The following GNG2 variants were observed in gnomAD, a reference collection of about 807,000 sequenced individuals.
The protein encoded by GNG2 is guanine nucleotide-binding protein G(I)/G(S)/G(O) subunit gamma-2.
GNG2 carries 5 observed loss-of-function variants against 5.5 expected under a neutral mutation model. The ratio of observed to expected loss-of-function variants is 0.91; its 90% CI spans 0.48 to 1.92. The LOEUF is 1.92. Ranked by LOEUF, GNG2 falls within the 30% of genes most tolerant of loss-of-function variation. GNG2 has a pLI of 0.01. For missense variants in GNG2, 55 were observed against 88.4 expected, an observed-to-expected ratio of 0.62 and a Z score of 1.52; for synonymous variants, 28 against 32.0, an observed-to-expected ratio of 0.88 and a Z score of 0.42.
intron 2 of GNG2, chr14:51,916,315 A>G: frequency 2.9e-6 from 1 of 339,294 alleles, no homozygotes; most frequent in Non-Finnish European, 5.7e-6. Context: ...GTGCTGGAAC[A>G]CATCCATTAT....
intron 3 of GNG2, among the ~76,000 whole-genome samples, chr14:51,956,628 C>G (rs1359494392): frequency 6.6e-6 from 1 of 152,170 alleles, no homozygotes; most frequent in Non-Finnish European, 1.5e-5. Context: ...TTTCAAAACA[C>G]AAATTAAAGT....
At chr14:51,961,084 T>C (rs566965687) in intron 3 of GNG2, among the ~76,000 whole-genome samples, 5 of 152,168 alleles carry the variant, frequency 3.3e-5, no homozygotes, top group Admixed American at 2.0e-4. Context: ...GGCAGTAAGC[T>C]GGGGCAACTG....
At chr14:51,908,656 G>A (rs539346761) in intron 2 of GNG2, among the ~76,000 whole-genome samples, 2 of 126,352 alleles carry the variant, frequency 1.6e-5, no homozygotes, top group African/African-American at 2.5e-5. Flanking sequence ...TGCAGCCTCC[G>A]CCTCCTGGGT....
chr14:51,936,811 G>A (rs1047911566), intron 2 of GNG2, among the ~76,000 whole-genome samples: 4 of 152,050 alleles, frequency 2.6e-5, no homozygotes, highest in African/African-American at 4.8e-5. Flanking sequence ...CCAAAGTGCT[G>A]GGATTGTAGG....
chr14:51,854,971 A>G (rs1490291969), intron 2 of GNG2, among the ~76,000 whole-genome samples: 1 of 150,404 alleles, frequency 6.6e-6, no homozygotes, highest in Non-Finnish European at 1.5e-5. Flanking sequence ...ATCTCCATCT[A>G]CTCTTGGCCT....
chr14:51,852,127 A>G (rs4901166), intron 2 of GNG2, among the ~76,000 whole-genome samples: 29,419 of 152,174 alleles, frequency 0.19, 2,871 homozygotes, highest in Middle Eastern at 0.2. Flanking sequence ...GAAGGAATCA[A>G]TGACCATAAC....
intron 2 of GNG2, among the ~76,000 whole-genome samples, chr14:51,878,292 A>G (rs1191432294): frequency 1.3e-5 from 2 of 152,028 alleles, no homozygotes; most frequent in African/African-American, 4.8e-5. Flanking sequence ...CCCCTCCCCC[A>G]CCATTTTAAA....
chr14:51,897,986 A>T (rs1241322385), intron 2 of GNG2, among the ~76,000 whole-genome samples: 3 of 152,172 alleles, frequency 2.0e-5, no homozygotes, highest in Admixed American at 1.3e-4. Context: ...TATGTATTTA[A>T]CACCCCGTAA....
At chr14:51,868,743 T>C (rs138829537) in intron 1 of GNG2, among the ~76,000 whole-genome samples, 1 of 152,322 alleles carries the variant, frequency 6.6e-6, no homozygotes, top group African/African-American at 2.4e-5. Context: ...AACTATGTCT[T>C]TTTCCCTACA....
At chr14:51,834,077 C>G (rs992829395) in intron 2 of GNG2, among the ~76,000 whole-genome samples, 1 of 152,196 alleles carries the variant, frequency 6.6e-6, no homozygotes, top group Non-Finnish European at 1.5e-5. Context: ...AAAACAAAGG[C>G]AGACAAAATG....
chr14:51,896,349 C>G (rs1885192584), intron 2 of GNG2, among the ~76,000 whole-genome samples: 1 of 152,182 alleles, frequency 6.6e-6, no homozygotes, highest in Admixed American at 6.5e-5. Context: ...GTATTGTCCT[C>G]TTGTTTCAGA....
chr14:51,847,770 A>T (rs1881689828), intron 2 of GNG2, among the ~76,000 whole-genome samples: 1 of 151,722 alleles, frequency 6.6e-6, no homozygotes, highest in Non-Finnish European at 1.5e-5. Flanking sequence ...AGGTGATCGC[A>T]CTTCCAACTA....
chr14:51,898,378 G>A lies in GNG2; in HGVS notation c.-30+20721G>A, dbSNP rs116411676. Among the ~76,000 whole-genome samples the A allele has an allele frequency of 8.5e-3, 1,288 of 152,240 alleles. 25 individuals carry two copies. Among genetic ancestry groups the A allele is most frequent in the African/African-American group, 0.03 (1,227 of 41,546 alleles). ...GACATATGGTTCTGATGAGCATTGG[G>A]ATGGATGTAGGAAGGCACACCACAG... is the stretch of plus-strand genomic sequence containing the variant. On this transcript the variant is annotated intron_variant, in intron 2 of 3. Transcript: ENST00000556766.
At chr14:51,830,441 C>T (rs1049146657) in intron 2 of GNG2, among the ~76,000 whole-genome samples, 1 of 152,194 alleles carries the variant, frequency 6.6e-6, no homozygotes, top group Non-Finnish European at 1.5e-5. Flanking sequence ...TGCCAATTGC[C>T]TATTGGACAT....
At chr14:51,914,596 A>G (rs758779869) in intron 2 of GNG2, among the ~76,000 whole-genome samples, 45 of 152,162 alleles carry the variant, frequency 3.0e-4, no homozygotes, top group Admixed American at 1.3e-4. Context: ...CTTATCTCTA[A>G]TTAATTAATT....
At chr14:51,942,385 A>C (rs1396040786) in intron 2 of GNG2, among the ~76,000 whole-genome samples, 9 of 151,946 alleles carry the variant, frequency 5.9e-5, no homozygotes, top group Non-Finnish European at 1.2e-4. Flanking sequence ...CCACTTCTGC[A>C]CACTAACTGC....
At chr14:51,866,118 TC>T (rs1882864779) in intron 1 of GNG2, among the ~76,000 whole-genome samples, 1 of 152,152 alleles carries the variant, frequency 6.6e-6, no homozygotes, top group African/African-American at 2.4e-5. Context: ...AAAACCAGTC[TC>T]TTGACCACTT....
At chr14:51,891,278 A>G (rs932640730) in intron 2 of GNG2, among the ~76,000 whole-genome samples, 4 of 152,236 alleles carry the variant, frequency 2.6e-5, no homozygotes, top group African/African-American at 9.6e-5. Flanking sequence ...GCTTCTTGGT[A>G]GCCTTCAGAT....
At chr14:51,942,590 T>TTTCTTTCTTTCTTTCTTTCTTTC (rs1555356835) in intron 2 of GNG2, among the ~76,000 whole-genome samples, 2 of 36,540 alleles carry the variant, frequency 5.5e-5, no homozygotes, top group East Asian at 1.5e-3. Flanking sequence ...TCTTTCTTTC[T>TTTCTTTCTTTCTTTCTTTCTTTC]TTTTTTTTTT....
Sources: allele counts gnomAD v4.1 joint callset (sites outside exome capture counted in the v4.1 genomes callset), GRCh38; gene constraint gnomAD v4.1.1; transcripts MANE v1.5; gene names NCBI Gene and HGNC (gene_info 2026-07-23, HGNC 2026-07-21).